Variants in CLYBL observed in about 807,000 individuals in gnomAD.
CLYBL encodes the protein citramalyl-CoA lyase, mitochondrial.
In CLYBL, 31 loss-of-function variants were observed where a neutral mutation model predicts 38.9. That is an observed-to-expected ratio of 0.80 (90% CI 0.60 to 1.08). CLYBL has a LOEUF of 1.08. Among genes scored for constraint, CLYBL ranks in the 50% least tolerant of loss-of-function variants. The pLI is 0.00. For synonymous variants in CLYBL, 171 were observed against 158.6 expected, an observed-to-expected ratio of 1.08 and a Z score of -0.59; for missense variants, 434 against 411.6, an observed-to-expected ratio of 1.05 and a Z score of -0.47.
At chr13:99,700,528 C>T (rs982767242) in intron 1 of CLYBL, among the ~76,000 whole-genome samples, 3 of 152,186 alleles carry the variant, frequency 2.0e-5, no homozygotes, top group Admixed American at 6.5e-5. Flanking sequence ...ACTGGACCCA[C>T]GACAAGGAGG....
chr13:99,652,586 A>G (rs2047270733), intron 1 of CLYBL, among the ~76,000 whole-genome samples: 1 of 152,204 alleles, frequency 6.6e-6, no homozygotes, highest in African/African-American at 2.4e-5. Context: ...GGATAACACT[A>G]TAGCCCCTGC....
intron 1 of CLYBL, among the ~76,000 whole-genome samples, chr13:99,610,798 A>G (rs1397928489): frequency 1.3e-5 from 2 of 152,128 alleles, no homozygotes; most frequent in African/African-American, 4.8e-5. Context: ...CTCTATGGGT[A>G]TCTTGTTCTC....
chr13:99,666,506 G>GT (rs766228193), intron 1 of CLYBL, among the ~76,000 whole-genome samples: 10 of 152,162 alleles, frequency 6.6e-5, no homozygotes, highest in Non-Finnish European at 1.2e-4. Context: ...TTCCCTGTAG[G>GT]TTTTTTCCCC....
At position 99,865,934 on chromosome 13, in the gene CLYBL, GA is replaced by G. The variant is rs1176079050; in HGVS notation, c.635-299del. Among the ~76,000 whole-genome samples, 1 of 152,084 alleles carries G rather than the reference GA, an allele frequency of 6.6e-6. No individual in the cohort carries two copies. Among genetic ancestry groups the G allele is most frequent in the African/African-American group, 2.4e-5 (1 of 41,412 alleles). On this transcript the variant is annotated intron_variant, in intron 5 of 8. Coordinates refer to ENST00000339105, the MANE Select transcript of CLYBL (RefSeq NM_206808.5). The surrounding 1 kb of genome is among the most constrained non-coding windows in gnomAD (Gnocchi z 4.7). The stretch of plus-strand genomic sequence containing the variant: ...GCACTTTTCAAGCGATGATAAGAAG[GA>G]AAAAAATATATCAGGAGTCCCTTGC...
At chr13:99,891,710 G>A (rs930601831) in intron 8 of CLYBL, 7 of 275,976 alleles carry the variant, frequency 2.5e-5, no homozygotes, top group African/African-American at 1.3e-4. Context: ...GCTGTGAGGC[G>A]AAGGTAGGTC....
rs534432708 is a variant in CLYBL, at chr13:99,883,479, A to T, written c.928-7839A>T. Among the ~76,000 whole-genome samples the T allele has an allele frequency of 2.9e-3, 433 of 150,832 alleles. 2 individuals are homozygous for T. The highest frequency in any genetic ancestry group is 4.5e-3 in the Non-Finnish European group (304 of 67,880). On this transcript the variant is annotated intron_variant, in intron 7 of 8. Transcript: ENST00000339105. ...GGTTCCAATGAGCCGAGATCATGCC[A>T]TTGCACTCCAGCCTGGGCAACAGGG...
chr13:99,741,886 A>G (rs1371627977), intron 1 of CLYBL, among the ~76,000 whole-genome samples: 5 of 152,220 alleles, frequency 3.3e-5, no homozygotes, highest in Non-Finnish European at 7.3e-5. Context: ...TAGGGACAGA[A>G]ACATTATTGT....
At chr13:99,708,457 A>G (rs376854164) in intron 1 of CLYBL, among the ~76,000 whole-genome samples, 86 of 152,314 alleles carry the variant, frequency 5.6e-4, no homozygotes, top group African/African-American at 2.0e-3. Flanking sequence ...CACTGAGATG[A>G]TATAGTGGAA....
In CLYBL at chr13:99,606,728, C is replaced by T. The variant is rs1366268823; in HGVS notation, c.33C>T (p.Arg11=). ...TACGTCTGCTGCGGAGGGCGGCGCG[C>T]GGAGCTGCGGCGGCGGCGCTGCTGA... MALRLLRRAA[R]GAAAAALLRL... Residue 11 remains arginine, a synonymous_variant, in exon 1 of 9, where the codon CGC becomes CGT. Coordinates refer to ENST00000339105, the MANE Select transcript of CLYBL (RefSeq NM_206808.5). 4 of 1,487,728 alleles carry T rather than the reference C, an allele frequency of 2.7e-6. No homozygotes were observed. In the South Asian group the frequency reaches 3.8e-5, roughly 14 times the overall value. 92.2% of individuals were successfully genotyped at this position (1,487,728 alleles called of 1,614,324 possible). A position where few individuals can be genotyped will look rare whatever the true frequency, so the allele number is the denominator to read the frequency against.
At chr13:99,653,440 C>T (rs1286620052) in intron 1 of CLYBL, among the ~76,000 whole-genome samples, 1 of 152,130 alleles carries the variant, frequency 6.6e-6, no homozygotes, top group Non-Finnish European at 1.5e-5. Context: ...ACCTCCATTC[C>T]TAGCAACTCA....
intron 2 of CLYBL, among the ~76,000 whole-genome samples, chr13:99,819,554 G>A (rs1468609768): frequency 1.3e-5 from 2 of 149,124 alleles, no homozygotes; most frequent in South Asian, 2.1e-4. Flanking sequence ...ATTGGCTAAC[G>A]TGGTTAGGGA....
chr13:99,709,968 G>A (rs920791857), intron 1 of CLYBL, among the ~76,000 whole-genome samples: 2 of 128,244 alleles, frequency 1.6e-5, no homozygotes, highest in African/African-American at 3.0e-5. Context: ...CTGTCGCCCA[G>A]TCTGGAGTGC....
intron 4 of CLYBL, among the ~76,000 whole-genome samples, chr13:99,864,262 G>A (rs1363395785): frequency 6.6e-6 from 1 of 152,184 alleles, no homozygotes; most frequent in Non-Finnish European, 1.5e-5. Flanking sequence ...TCACGGTTAT[G>A]TCTACGACGA....
At chr13:99,670,913 A>G (rs1034342105) in intron 1 of CLYBL, among the ~76,000 whole-genome samples, 5 of 152,196 alleles carry the variant, frequency 3.3e-5, no homozygotes, top group African/African-American at 7.2e-5. Context: ...ATATCTTTCA[A>G]AACATCCCAT....
At chr13:99,874,552 T>C (rs2051990635) in intron 7 of CLYBL, among the ~76,000 whole-genome samples, 1 of 152,120 alleles carries the variant, frequency 6.6e-6, no homozygotes. Context: ...TTTTTATCAA[T>C]AAAGAATTTT....
intron 2 of CLYBL, among the ~76,000 whole-genome samples, chr13:99,789,581 G>A (rs566410828): frequency 2.0e-5 from 3 of 152,164 alleles, no homozygotes; most frequent in African/African-American, 4.8e-5. Context: ...TATAATTTCT[G>A]TTCTTTGACA....
chr13:99,752,578 C>T (rs891114918), intron 1 of CLYBL, among the ~76,000 whole-genome samples: 1 of 152,098 alleles, frequency 6.6e-6, no homozygotes, highest in Non-Finnish European at 1.5e-5. Flanking sequence ...GGCAGTCTGG[C>T]CAGGGTAAAC....
intron 1 of CLYBL, among the ~76,000 whole-genome samples, chr13:99,644,210 A>G (rs34969571): frequency 7.2e-5 from 10 of 139,768 alleles, no homozygotes; most frequent in South Asian, 4.6e-4. Context: ...GTGTATGTGT[A>G]TATGTGGTGT....
intron 1 of CLYBL, among the ~76,000 whole-genome samples, chr13:99,671,032 C>T (rs1366256032): frequency 2.6e-5 from 4 of 152,218 alleles, no homozygotes; most frequent in Non-Finnish European, 5.9e-5. Context: ...CCCTTGTCCG[C>T]TGCCCTTATG....
Sources: gnomAD v4.1 joint callset for allele counts (sites outside exome capture counted in the v4.1 genomes callset) on GRCh38, gnomAD v4.1.1 for gene constraint, Gnocchi (gnomAD v3.1) non-coding constraint, MANE v1.5 for transcripts, NCBI Gene and HGNC (gene_info 2026-07-23, HGNC 2026-07-21) for gene names.